ARFGAP3: variants seen among roughly 807,000 people sequenced by gnomAD.
ARFGAP3 encodes the protein ARF GTPase activating protein 3, also known as ADP-ribosylation factor GTPase-activating protein 3.
In ARFGAP3, 72 loss-of-function variants were observed where a neutral mutation model predicts 75.0. The ratio of observed to expected loss-of-function variants is 0.96; its 90% confidence interval spans 0.79 to 1.17. The LOEUF (loss-of-function observed/expected upper bound fraction) is 1.17, where lower values mean the gene tolerates loss of function less well. ARFGAP3 is among the 50% of genes most tolerant of loss of function. The pLI is 0.00. For missense variants in ARFGAP3, 620 were observed against 626.6 expected, an observed-to-expected ratio of 0.99 and a Z score of 0.11; for synonymous variants, 221 against 217.9, an observed-to-expected ratio of 1.01 and a Z score of -0.13.
chr22:42,831,037 C>T (rs1420549536), intron 6 of ARFGAP3, among the ~76,000 whole-genome samples: 14 of 151,820 alleles, frequency 9.2e-5, no homozygotes, highest in South Asian at 4.2e-4. Context: ...TGGTGGCTCA[C>T]GCCTGTAATC....
intron 7 of ARFGAP3, among the ~76,000 whole-genome samples, chr22:42,824,440 T>G (rs993801062): frequency 1.3e-5 from 2 of 152,020 alleles, no homozygotes; most frequent in African/African-American, 2.4e-5. Flanking sequence ...CACTGCAGCA[T>G]TGAACTCCTG....
intron 6 of ARFGAP3, among the ~76,000 whole-genome samples, chr22:42,828,682 T>A (rs1411088501): frequency 5.7e-5 from 3 of 52,392 alleles, no homozygotes; most frequent in African/African-American, 6.0e-5. Context: ...GCCCCCGGCC[T>A]TTTTTTTTTT....
chr22:42,840,029 C>G, intron 3 of ARFGAP3, among the ~76,000 whole-genome samples: 1 of 152,190 alleles, frequency 6.6e-6, no homozygotes, highest in East Asian at 1.9e-4. Context: ...CTCCCAGGCT[C>G]AAGAGATCCT....
chr22:42,823,822 T>C, intron 7 of ARFGAP3, 120 bp from the exon 8 acceptor site: 1 of 1,205,328 alleles, frequency 8.3e-7, no homozygotes, highest in South Asian at 2.0e-5. Flanking sequence ...CATTTTCCAC[T>C]TTAGTTTCTC....
Position 42,813,254 on chromosome 22 carries a change from G to A in ARFGAP3, c.1065-2310C>T, listed in dbSNP as rs554488663. ...TGGAAGGGAGGCTGACTTGAATGCA[G>A]AAGCCTCAGAAGCTGCATTAATGAA... On this transcript the variant is annotated intron_variant, in intron 11 of 15. Coordinates refer to ENST00000263245, the MANE Select transcript of ARFGAP3 (RefSeq NM_014570.5). 1.2e-4 allele frequency among the ~76,000 whole-genome samples: 18 copies of A among 152,306 alleles called. No homozygotes were observed. In the East Asian group the frequency reaches 2.7e-3, roughly 23 times the overall value.
At position 42,822,369 on chromosome 22, in the gene ARFGAP3, G is replaced by C. The variant is rs773260042; in HGVS notation, c.713C>G (p.Ala238Gly). The C allele has an allele frequency of 3.1e-6, 5 of 1,614,098 alleles. No homozygotes were observed. In the South Asian group the frequency reaches 5.5e-5, roughly 18 times the overall value. ...KKGSLGAQKLANTCFNEIEKQ... is the reference protein window; with the variant it reads ...KKGSLGAQKLGNTCFNEIEKQ... ...TTCAATTTCATTAAAGCATGTGTTTGCCAGTTTCTGAGCTCCCAAACTTCC... is the reference window on the plus strand; with the variant it reads ...TTCAATTTCATTAAAGCATGTGTTTCCCAGTTTCTGAGCTCCCAAACTTCC... Residue 238 changes from alanine (A) to glycine (G), a missense_variant, in exon 9 of 16, where the codon GCA (alanine) becomes GGA (glycine). Transcript: ENST00000263245.
At chr22:42,801,034 A>G (rs1924831765) in intron 14 of ARFGAP3, among the ~76,000 whole-genome samples, 1 of 152,204 alleles carries the variant, frequency 6.6e-6, no homozygotes, top group South Asian at 2.1e-4. Context: ...TAACATCACT[A>G]AAGTGTGACC....
rs1927102986 is a variant in ARFGAP3 at position 42,848,095 on chromosome 22, C to T, written c.70-463G>A. 2.0e-5 allele frequency among the ~76,000 whole-genome samples: 3 copies of T among 151,912 alleles called. No individual in the cohort carries two copies. The South Asian group carries it at 6.2e-4, about 31-fold the overall frequency. On this transcript the variant is annotated intron_variant, in intron 1 of 15. Transcript: ENST00000263245. ...GACAGGCTGGTCTCGAATTCCTGAC[C>T]TCAGGTGATCTGGCAGCCTCGGCCT...
chr22:42,840,857 C>A, intron 3 of ARFGAP3, 87 bp downstream of exon 3: 1 of 1,348,570 alleles, frequency 7.4e-7, no homozygotes, highest in East Asian at 2.4e-5. Context: ...AGGCATGAGC[C>A]ACTGCACCTA....
At chr22:42,807,014 A>G in intron 14 of ARFGAP3, 59 bp downstream of exon 14, 14 of 1,483,980 alleles carry the variant, frequency 9.4e-6, no homozygotes, top group Non-Finnish European at 1.3e-5. Context: ...TCCTATCCAG[A>G]TGAAATGTGT....
chr22:42,843,766 C>T (rs1027828470), intron 2 of ARFGAP3, among the ~76,000 whole-genome samples: 2 of 152,126 alleles, frequency 1.3e-5, no homozygotes. Context: ...TCATGAAATA[C>T]GTAACGGCAA....
intron 15 of ARFGAP3, 86 bp from the exon 16 acceptor site, chr22:42,797,691 T>A: frequency 6.2e-7 from 1 of 1,613,112 alleles, no homozygotes; most frequent in Non-Finnish European, 8.5e-7. Flanking sequence ...ATCACCCAAA[T>A]TGACACTGCA....
chr22:42,806,389 G>A (rs1162330318), intron 14 of ARFGAP3, among the ~76,000 whole-genome samples: 2 of 152,194 alleles, frequency 1.3e-5, no homozygotes, highest in Non-Finnish European at 2.9e-5. Flanking sequence ...CTCACAGGCC[G>A]CCCCATCCTA....
intron 1 of ARFGAP3, among the ~76,000 whole-genome samples, chr22:42,856,544 A>C (rs1199323498): frequency 6.6e-6 from 1 of 152,066 alleles, no homozygotes; most frequent in African/African-American, 2.4e-5. Context: ...AACCGAGGAG[A>C]GGGAGGAGGC....
chr22:42,826,776 C>A (rs1018574560), intron 7 of ARFGAP3, among the ~76,000 whole-genome samples, 164 bp downstream of exon 7: 8 of 151,960 alleles, frequency 5.3e-5, no homozygotes, highest in Middle Eastern at 3.2e-3. Flanking sequence ...GAATAAAAAA[C>A]ATATATATAT....
chr22:42,852,395 T>C (rs1483418011), intron 1 of ARFGAP3, among the ~76,000 whole-genome samples: 1 of 152,068 alleles, frequency 6.6e-6, no homozygotes, highest in African/African-American at 2.4e-5. Flanking sequence ...GGTCTCGCTC[T>C]GTCGCCCACT....
chr22:42,808,731 T>A (rs1289960337), intron 13 of ARFGAP3, 36 bp downstream of exon 13: 1 of 1,549,918 alleles, frequency 6.5e-7, no homozygotes, highest in South Asian at 1.2e-5. Context: ...CCTTCCTGCA[T>A]TATGGGGCAC....
intron 5 of ARFGAP3, 114 bp from the exon 6 acceptor site, chr22:42,831,750 T>C: frequency 6.6e-7 from 1 of 1,526,634 alleles, no homozygotes. Flanking sequence ...TGAGTCCCTG[T>C]TAATGGAAAG....
At chr22:42,850,074 A>T (rs1927206519) in intron 1 of ARFGAP3, among the ~76,000 whole-genome samples, 1 of 152,180 alleles carries the variant, frequency 6.6e-6, no homozygotes, top group Non-Finnish European at 1.5e-5. Context: ...TTCAACACTG[A>T]CACTGAAGCC....
Sources: allele counts gnomAD v4.1 joint callset (sites outside exome capture counted in the v4.1 genomes callset), GRCh38; gene constraint gnomAD v4.1.1; transcripts MANE v1.5; gene names NCBI Gene and HGNC (gene_info 2026-07-23, HGNC 2026-07-21).